The following POU6F1 variants were observed in gnomAD, a reference collection of about 807,000 sequenced individuals.
The protein encoded by POU6F1 is POU class 6 homeobox 1, also known as POU domain, class 6, transcription factor 1.
Under a neutral mutation model 28.9 loss-of-function variants are expected in POU6F1, and 9 were observed. The observed-to-expected ratio is 0.31, with a 90% CI of 0.19 to 0.54. The LOEUF (loss-of-function observed/expected upper bound fraction) is 0.54, where lower values mean the gene tolerates loss of function less well. POU6F1 is among the 20% of genes least tolerant of loss of function. The pLI, the probability that POU6F1 is intolerant of heterozygous loss-of-function variation, is 0.94. For missense variants in POU6F1, 338 were observed against 426.1 expected (o/e 0.79, Z 1.82); for synonymous variants, 173 against 171.1 (o/e 1.01, Z -0.09).
intron 3 of POU6F1, among the ~76,000 whole-genome samples, chr12:51,200,912 C>T (rs1027170789): frequency 6.6e-6 from 1 of 152,110 alleles, no homozygotes. Flanking sequence ...AGGCTAGTCT[C>T]GAACTCCTGA....
Position 51,188,845 on chromosome 12 carries a change from T to C in POU6F1, c.*1402A>G, listed in dbSNP as rs1368541486. ...CCCGTGACTTGGGGCCCTTTAGGGA[T>C]AATCTACACCGCAAGCCTGTGGTCA... On this transcript the variant is annotated 3_prime_UTR_variant, in exon 11 of 11. Transcript: ENST00000333640. The C allele has an allele frequency of 1.3e-5, 2 of 151,750 alleles. No individual in the cohort carries two copies. The highest frequency in any genetic ancestry group is 3.9e-4 in the East Asian group (2 of 5,170). 9.4% of individuals were successfully genotyped at this position (151,750 alleles called of 1,614,324 possible). A position where few individuals can be genotyped will look rare whatever the true frequency, so the allele number is the denominator to read the frequency against.
chr12:51,193,794 A>G (rs973684394), intron 8 of POU6F1, among the ~76,000 whole-genome samples: 17 of 152,334 alleles, frequency 1.1e-4, no homozygotes, highest in African/African-American at 3.6e-4. Flanking sequence ...ATTTGTAATC[A>G]GAAGAAACTA....
At chr12:51,206,154 T>G in intron 2 of POU6F1, among the ~76,000 whole-genome samples, 1 of 142,098 alleles carries the variant, frequency 7.0e-6, no homozygotes, top group South Asian at 2.6e-4. Context: ...CCGGGCGCGG[T>G]GGCTCACGCC....
intron 8 of POU6F1, among the ~76,000 whole-genome samples, chr12:51,193,350 G>A (rs573576111): frequency 2.6e-5 from 4 of 152,300 alleles, no homozygotes; most frequent in African/African-American, 7.2e-5. Context: ...CAAAGGGGGC[G>A]GATCACCTGA....
intron 3 of POU6F1, among the ~76,000 whole-genome samples, chr12:51,200,836 TACC>T (rs1314304710): frequency 2.0e-5 from 3 of 152,082 alleles, no homozygotes; most frequent in African/African-American, 7.2e-5. Context: ...TACAGGCGCA[TACC>T]ACCACGCCTG....
At chr12:51,193,549 GC>G (rs1409070916) in intron 8 of POU6F1, among the ~76,000 whole-genome samples, 1 of 152,116 alleles carries the variant, frequency 6.6e-6, no homozygotes, top group African/African-American at 2.4e-5. Context: ...CTGCACTTCA[GC>G]CTGGGCAACA....
chr12:51,216,617 A>G (rs1470997641), intron 1 of POU6F1, among the ~76,000 whole-genome samples: 1 of 152,198 alleles, frequency 6.6e-6, no homozygotes, highest in African/African-American at 2.4e-5. Context: ...TGAAAATGGA[A>G]TATATGGAAT....
chr12:51,210,560 G>C (rs1030743633), intron 1 of POU6F1, among the ~76,000 whole-genome samples: 4 of 152,180 alleles, frequency 2.6e-5, no homozygotes. Context: ...GGGAGTGGCT[G>C]AGCAGGGGCA....
At chr12:51,193,500 C>T (rs57515945) in intron 8 of POU6F1, among the ~76,000 whole-genome samples, 3,273 of 152,116 alleles carry the variant, frequency 0.022, 110 homozygotes, top group African/African-American at 0.075. Context: ...CGCTTGAACA[C>T]GGGAGGCAGA....
chr12:51,199,722 T>C lies in POU6F1; in HGVS notation c.366+25A>G. ...CCTCGCTCCTGCCCCCGGCCTTCTG[T>C]CCAGCTCCCGAGGGCAGCCCTTACC... On this transcript the variant is annotated intron_variant, in intron 4 of 10. Coordinates refer to ENST00000333640, the MANE Select transcript of POU6F1 (RefSeq NM_001330422.2). This position sits in a 1 kb window ranked among gnomAD's most constrained non-coding sequence, Gnocchi z 4.1. 1 of 399,094 alleles carries C rather than the reference T, an allele frequency of 2.5e-6. No homozygotes were observed. Among genetic ancestry groups the C allele is most frequent in the South Asian group, 1.3e-4 (1 of 7,842 alleles). 24.7% of individuals were successfully genotyped at this position (399,094 alleles called of 1,614,324 possible).
chr12:51,206,280 G>T (rs184335981), intron 2 of POU6F1, among the ~76,000 whole-genome samples: 5 of 150,840 alleles, frequency 3.3e-5, no homozygotes, highest in African/African-American at 1.2e-4. Context: ...AAAATTAGCC[G>T]GGTGTGGTGG....
intron 3 of POU6F1, among the ~76,000 whole-genome samples, chr12:51,203,271 T>C (rs537573168): frequency 3.9e-5 from 6 of 152,040 alleles, no homozygotes; most frequent in African/African-American, 1.5e-4. Flanking sequence ...AGTGAGGGCA[T>C]GATGAATAAA....
At chr12:51,202,367 C>A (rs367965685) in intron 3 of POU6F1, 29 of 152,286 alleles carry the variant, frequency 1.9e-4, no homozygotes, top group African/African-American at 6.7e-4. Context: ...CTCTGTTGCC[C>A]AGGCTGGAGT....
chr12:51,205,262 G>A (rs1338012589), intron 2 of POU6F1, among the ~76,000 whole-genome samples: 2 of 151,492 alleles, frequency 1.3e-5, no homozygotes, highest in South Asian at 2.1e-4. Context: ...GGATGGTCTC[G>A]ATCTCCTGAT....
intron 1 of POU6F1, among the ~76,000 whole-genome samples, chr12:51,215,413 G>T (rs1228159681): frequency 1.3e-5 from 2 of 151,940 alleles, no homozygotes; most frequent in Non-Finnish European, 2.9e-5. Flanking sequence ...AAATTAGCCA[G>T]GCATGGTGGT....
At position 51,190,220 on chromosome 12, in the gene POU6F1, C is replaced by G; in HGVS notation, c.*27G>C. On this transcript the variant is annotated 3_prime_UTR_variant, in exon 11 of 11. Coordinates refer to ENST00000333640, the MANE Select transcript of POU6F1 (RefSeq NM_001330422.2). This position sits in a 1 kb window ranked among gnomAD's most constrained non-coding sequence, Gnocchi z 4.5. ...GATGCCACGGGAAATGGACAAAGTG[C>G]TAGAACACAGGGCCAGGGGCTGAGC... 6.2e-7 allele frequency: 1 copy of G among 1,609,054 alleles called. No individual in the cohort carries two copies. The highest frequency in any genetic ancestry group is 2.2e-5 in the East Asian group (1 of 44,802).
chr12:51,193,660 A>G (rs1942602892), intron 8 of POU6F1, among the ~76,000 whole-genome samples: 1 of 152,248 alleles, frequency 6.6e-6, no homozygotes, highest in Non-Finnish European at 1.5e-5. Flanking sequence ...AATTTCCAGA[A>G]AAACAAAATC....
intron 3 of POU6F1, among the ~76,000 whole-genome samples, chr12:51,200,720 C>G (rs1475564257): frequency 6.6e-6 from 1 of 152,116 alleles, no homozygotes; most frequent in Admixed American, 6.5e-5. Context: ...TGGAGTCTTG[C>G]TCTGTCACCC....
At chr12:51,205,529 G>GCCAATGGC (rs1348405182) in intron 2 of POU6F1, among the ~76,000 whole-genome samples, 4 of 152,206 alleles carry the variant, frequency 2.6e-5, no homozygotes, top group African/African-American at 9.6e-5. Context: ...CGGAAACCCT[G>GCCAATGGC]CCAATTGGGC....
Sources: gnomAD v4.1 joint callset for allele counts (sites outside exome capture counted in the v4.1 genomes callset) on GRCh38, gnomAD v4.1.1 for gene constraint, Gnocchi (gnomAD v3.1) non-coding constraint, MANE v1.5 for transcripts, NCBI Gene and HGNC (gene_info 2026-07-23, HGNC 2026-07-21) for gene names.